Variants in SCAPER observed in about 807,000 individuals in gnomAD.
SCAPER encodes S phase cyclin A-associated protein in the endoplasmic reticulum.
A neutral mutation model predicts 182.2 loss-of-function variants in SCAPER; 98 were observed. The ratio of observed to expected loss-of-function variants is 0.54; its 90% CI spans 0.46 to 0.64. The LOEUF (loss-of-function observed/expected upper bound fraction) is 0.64. Ranked by LOEUF, SCAPER falls within the 30% of genes least tolerant of loss-of-function variation. The pLI, the probability that SCAPER is intolerant of heterozygous loss-of-function variation, is 0.00. For missense variants in SCAPER, 1,432 were observed against 1,690.0 expected (o/e 0.85, Z 2.68); for synonymous variants, 605 against 564.6 (o/e 1.07, Z -1.01).
chr15:76,726,912 T>A (rs1365402870), intron 17 of SCAPER, among the ~76,000 whole-genome samples: 1 of 152,020 alleles, frequency 6.6e-6, no homozygotes, highest in Admixed American at 6.6e-5. Flanking sequence ...AATTTCTGGG[T>A]ACAGATGGTG....
chr15:76,554,532 A>G (rs1331795640), intron 23 of SCAPER, among the ~76,000 whole-genome samples: 2 of 152,228 alleles, frequency 1.3e-5, no homozygotes, highest in Non-Finnish European at 2.9e-5. Context: ...ACACACAGTC[A>G]TCAGATTCTC....
chr15:76,828,516 T>C (rs1271466378), intron 5 of SCAPER, among the ~76,000 whole-genome samples: 2 of 152,192 alleles, frequency 1.3e-5, no homozygotes, highest in Non-Finnish European at 2.9e-5. Flanking sequence ...AAATGACAGC[T>C]ATCTATCTCT....
chr15:76,446,912 A>G (rs1173830132), intron 25 of SCAPER, among the ~76,000 whole-genome samples: 1 of 152,176 alleles, frequency 6.6e-6, no homozygotes, highest in South Asian at 2.1e-4. Flanking sequence ...TCCCTGTTTC[A>G]CTTTCAGTAC....
chr15:76,361,571 A>G (rs1452988334), intron 29 of SCAPER, among the ~76,000 whole-genome samples: 1 of 152,228 alleles, frequency 6.6e-6, no homozygotes, highest in East Asian at 1.9e-4. Context: ...GCAATTAGAA[A>G]AGACACTGCT....
chr15:76,673,624 TATTTC>T (rs1419813714), intron 20 of SCAPER, among the ~76,000 whole-genome samples: 1 of 152,152 alleles, frequency 6.6e-6, no homozygotes, highest in Non-Finnish European at 1.5e-5. Context: ...CATATACACG[TATTTC>T]ATTTCTTCAT....
intron 17 of SCAPER, among the ~76,000 whole-genome samples, chr15:76,716,767 A>C (rs2059907745): frequency 1.3e-5 from 2 of 151,984 alleles, no homozygotes; most frequent in Non-Finnish European, 2.9e-5. Flanking sequence ...AAAAAGAATG[A>C]AGAGAGCCTA....
intron 24 of SCAPER, among the ~76,000 whole-genome samples, chr15:76,493,304 A>G (rs1191503917): frequency 6.6e-6 from 1 of 152,186 alleles, no homozygotes; most frequent in Non-Finnish European, 1.5e-5. Context: ...TCCTAATTAT[A>G]ATGTTGCTTC....
chr15:76,631,886 A>G (rs973815881), intron 21 of SCAPER, among the ~76,000 whole-genome samples: 2 of 152,078 alleles, frequency 1.3e-5, no homozygotes, highest in Admixed American at 6.5e-5. Flanking sequence ...GTGTTTTCCA[A>G]CTTGGTTCCA....
intron 23 of SCAPER, among the ~76,000 whole-genome samples, chr15:76,517,649 C>T (rs1230791243): frequency 6.6e-6 from 1 of 152,058 alleles, no homozygotes; most frequent in Non-Finnish European, 1.5e-5. Flanking sequence ...CCGTGCCCAG[C>T]CCATATTAAC....
intron 24 of SCAPER, 95 bp from the exon 25 acceptor site, chr15:76,471,430 G>C (rs1302673490): frequency 1.5e-6 from 2 of 1,350,494 alleles, no homozygotes; most frequent in Admixed American, 2.8e-5. Flanking sequence ...AAGCCAACAG[G>C]CATGAGATGG....
Position 76,594,400 on chromosome 15 carries a change from T to C in SCAPER, c.2712-20116A>G, listed in dbSNP as rs1223002639. 2.5e-5 allele frequency among the ~76,000 whole-genome samples: 3 copies of C among 120,544 alleles called. 1 individual carries two copies. In the East Asian group the frequency reaches 6.7e-4, roughly 27 times the overall value. 79.1% of individuals were successfully genotyped at this position (120,544 alleles called of 152,430 possible). A position where few individuals can be genotyped will look rare whatever the true frequency, so the allele number is the denominator to read the frequency against. ...AGAATGGAACCAAGTTGGAAAACACTCTGCAGGATATTATCCAGGAGAACT... is the reference window on the plus strand; with the variant it reads ...AGAATGGAACCAAGTTGGAAAACACCCTGCAGGATATTATCCAGGAGAACT... On this transcript the variant is annotated intron_variant, in intron 22 of 31. Coordinates refer to ENST00000563290, the MANE Select transcript of SCAPER (RefSeq NM_020843.4).
At chr15:76,625,518 T>G (rs1188496243) in intron 21 of SCAPER, among the ~76,000 whole-genome samples, 1 of 152,086 alleles carries the variant, frequency 6.6e-6, no homozygotes, top group African/African-American at 2.4e-5. Context: ...CCAACTCTGG[T>G]GCTGGCTGAG....
chr15:76,786,197 C>T (rs1465836086), intron 8 of SCAPER, among the ~76,000 whole-genome samples: 1 of 151,518 alleles, frequency 6.6e-6, no homozygotes, highest in African/African-American at 2.4e-5. Context: ...CGTGGTGGTG[C>T]GTGCCTGTTA....
At chr15:76,485,057 A>C (rs2051484886) in intron 24 of SCAPER, among the ~76,000 whole-genome samples, 1 of 152,212 alleles carries the variant, frequency 6.6e-6, no homozygotes, top group South Asian at 2.1e-4. Context: ...GGCCAGGGCA[A>C]TCAGGCAAGA....
At chr15:76,834,690 T>A (rs1042432288) in intron 5 of SCAPER, among the ~76,000 whole-genome samples, 11 of 151,890 alleles carry the variant, frequency 7.2e-5, no homozygotes, top group African/African-American at 2.7e-4. Flanking sequence ...AAGATTGAAA[T>A]AAACACAATT....
intron 10 of SCAPER, among the ~76,000 whole-genome samples, chr15:76,769,144 G>T (rs368538082): frequency 3.0e-4 from 46 of 151,902 alleles, no homozygotes; most frequent in African/African-American, 1.1e-3. Flanking sequence ...AAATTTACAA[G>T]AAAAAAACAA....
intron 16 of SCAPER, among the ~76,000 whole-genome samples, chr15:76,732,680 C>T (rs1227603577): frequency 1.3e-5 from 2 of 152,194 alleles, no homozygotes; most frequent in African/African-American, 4.8e-5. Context: ...TCTACTCCTC[C>T]ACCTCTTGTG....
chr15:76,669,234 C>T (rs909171902), intron 20 of SCAPER, among the ~76,000 whole-genome samples: 2 of 151,600 alleles, frequency 1.3e-5, no homozygotes, highest in Admixed American at 6.6e-5. Context: ...ACAACAACAA[C>T]AACAAAAACC....
At chr15:76,631,613 C>G (rs1199475063) in intron 21 of SCAPER, among the ~76,000 whole-genome samples, 1 of 152,150 alleles carries the variant, frequency 6.6e-6, no homozygotes, top group African/African-American at 2.4e-5. Flanking sequence ...AATACTGACC[C>G]CCAATCTTTT....
Sources: gnomAD v4.1 joint callset for allele counts (sites outside exome capture counted in the v4.1 genomes callset) on GRCh38, gnomAD v4.1.1 for gene constraint, MANE v1.5 for transcripts, NCBI Gene and HGNC (gene_info 2026-07-23, HGNC 2026-07-21) for gene names.